MAGI1: variants seen among roughly 807,000 people sequenced by gnomAD.
The protein encoded by MAGI1 is membrane associated guanylate kinase, WW and PDZ domain containing 1.
Under a neutral mutation model 139.9 loss-of-function variants are expected in MAGI1, and 58 were observed. The ratio of observed to expected loss-of-function variants is 0.41; its 90% CI spans 0.34 to 0.52. MAGI1 has a LOEUF of 0.52. MAGI1 is among the 20% of genes least tolerant of loss of function. The pLI, the probability that MAGI1 is intolerant of heterozygous loss-of-function variation, is 0.12. For missense variants in MAGI1, 1,874 were observed against 1,901.6 expected, an observed-to-expected ratio of 0.99 and a Z score of 0.27; for synonymous variants, 812 against 737.9, an observed-to-expected ratio of 1.10 and a Z score of -1.63.
At chr3:65,698,029 T>C (rs2089337049) in intron 1 of MAGI1, among the ~76,000 whole-genome samples, 2 of 91,624 alleles carry the variant, frequency 2.2e-5, no homozygotes, top group African/African-American at 1.1e-4. Flanking sequence ...CAGCAAAGTC[T>C]CAGGATACAA....
chr3:65,793,872 C>T (rs981989435), intron 1 of MAGI1, among the ~76,000 whole-genome samples: 2 of 152,232 alleles, frequency 1.3e-5, no homozygotes, highest in African/African-American at 4.8e-5. Context: ...CAATTTTCTG[C>T]TATTTGATGC....
intron 1 of MAGI1, among the ~76,000 whole-genome samples, chr3:65,692,004 C>T (rs1489592697): frequency 6.6e-6 from 1 of 152,120 alleles, no homozygotes; most frequent in Non-Finnish European, 1.5e-5. Flanking sequence ...TAGCTAATTA[C>T]TCCAAAGTCA....
chr3:66,003,156 G>A lies in MAGI1; in HGVS notation c.313+34840C>T, dbSNP rs531051168. 3.9e-5 allele frequency among the ~76,000 whole-genome samples: 6 copies of A among 152,270 alleles called. No homozygotes were observed. The South Asian group carries it at 1.2e-3, about 32-fold the overall frequency. On this transcript the variant is annotated intron_variant, in intron 1 of 22. Transcript: ENST00000402939. ...TGTGAAGATGAACAGGGCAGTTGGT[G>A]CAAAACTACAAAGCCCTTTCCCCTT...
At position 65,356,541 on chromosome 3, in the gene MAGI1, CGCTCG is replaced by C. The variant is rs778062138; in HGVS notation, c.4221_4225del (p.Glu1408GlnfsTer48). ...TTTGTCCAGGGACCGCTCTCTCCTGCGCTCGGGGGAGCGTGCGCGCCTCCGGTCGG... is the reference window on the plus strand; with the variant it reads ...TTTGTCCAGGGACCGCTCTCTCCTGCGGGGAGCGTGCGCGCCTCCGGTCGG... On this transcript the variant is annotated frameshift_variant, in exon 23 of 23. Transcript: ENST00000402939. LOFTEE classifies it low-confidence loss of function (END_TRUNC). The C allele has an allele frequency of 1.9e-6, 3 of 1,609,778 alleles. No individual in the cohort carries two copies. Among genetic ancestry groups the C allele is most frequent in the Non-Finnish European group, 2.5e-6 (3 of 1,179,768 alleles).
intron 13 of MAGI1, among the ~76,000 whole-genome samples, chr3:65,393,722 G>A (rs779662822): frequency 9.9e-5 from 15 of 152,064 alleles, no homozygotes; most frequent in East Asian, 2.0e-4. Flanking sequence ...TTCCAGGGTC[G>A]GCCTATAAGC....
At chr3:65,642,593 C>G (rs1042208488) in intron 1 of MAGI1, among the ~76,000 whole-genome samples, 1 of 152,186 alleles carries the variant, frequency 6.6e-6, no homozygotes, top group Non-Finnish European at 1.5e-5. Flanking sequence ...TGAAGTCATA[C>G]TGGCATCTCA....
At chr3:65,398,728 A>G (rs746844715) in intron 13 of MAGI1, among the ~76,000 whole-genome samples, 30 of 152,166 alleles carry the variant, frequency 2.0e-4, no homozygotes, top group African/African-American at 2.9e-4. Context: ...AAAACCTGAC[A>G]GAAAATATGT....
intron 12 of MAGI1, among the ~76,000 whole-genome samples, chr3:65,419,240 ACACAC>A (rs1201279048): frequency 6.6e-6 from 1 of 151,946 alleles, no homozygotes; most frequent in Non-Finnish European, 1.5e-5. Context: ...ACACACACAC[ACACAC>A]AAGTGTATGA....
chr3:65,733,506 T>A (rs1174502546), intron 1 of MAGI1, among the ~76,000 whole-genome samples: 4 of 152,254 alleles, frequency 2.6e-5, no homozygotes, highest in Non-Finnish European at 5.9e-5. Flanking sequence ...CAGACATTTC[T>A]GCTCTAAGAT....
At chr3:66,012,765 C>CAAAAAAAAAA (rs34971326) in intron 1 of MAGI1, among the ~76,000 whole-genome samples, 1 of 114,004 alleles carries the variant, frequency 8.8e-6, no homozygotes, top group Non-Finnish European at 1.8e-5. Context: ...GACTCCATCT[C>CAAAAAAAAAA]AAAAAAAAAA....
intron 1 of MAGI1, among the ~76,000 whole-genome samples, chr3:65,769,996 G>A (rs2037819063): frequency 6.6e-6 from 1 of 152,134 alleles, no homozygotes; most frequent in East Asian, 1.9e-4. Flanking sequence ...AATTCACCAT[G>A]AGGAGATTTA....
chr3:65,898,989 T>C (rs571012672), intron 1 of MAGI1, among the ~76,000 whole-genome samples: 19 of 152,332 alleles, frequency 1.2e-4, no homozygotes, highest in African/African-American at 4.3e-4. Context: ...TGGCACAATC[T>C]TGCCTCACTG....
chr3:65,844,975 G>A lies in MAGI1; in HGVS notation c.313+193021C>T, dbSNP rs145091351. Among the ~76,000 whole-genome samples, 1,154 of 152,080 alleles carry A rather than the reference G, an allele frequency of 7.6e-3. 11 individuals carry two copies. Among genetic ancestry groups the A allele is most frequent in the African/African-American group, 0.026 (1,075 of 41,504 alleles). ...CCCATTGAAATCCTTGGGCATAGGC[G>A]GGGCACGGTTGCTCACACTGTAATC... On this transcript the variant is annotated intron_variant, in intron 1 of 22. Coordinates refer to ENST00000402939, the MANE Select transcript of MAGI1 (RefSeq NM_001033057.2).
chr3:65,580,436 C>A (rs971489866), intron 2 of MAGI1, among the ~76,000 whole-genome samples: 6 of 151,918 alleles, frequency 3.9e-5, no homozygotes, highest in Admixed American at 6.6e-5. Flanking sequence ...GTGAGCAAAT[C>A]GATACACAGT....
intron 1 of MAGI1, among the ~76,000 whole-genome samples, chr3:65,796,629 T>C (rs2040167617): frequency 6.6e-6 from 1 of 152,252 alleles, no homozygotes; most frequent in African/African-American, 2.4e-5. Flanking sequence ...AAAGTATTTA[T>C]ATTCATTTAC....
At chr3:65,608,807 A>G (rs2082884403) in intron 2 of MAGI1, among the ~76,000 whole-genome samples, 1 of 152,210 alleles carries the variant, frequency 6.6e-6, no homozygotes, top group African/African-American at 2.4e-5. Context: ...TGTCCATTGT[A>G]TAAGAATGCT....
At chr3:65,901,306 A>G (rs1179034137) in intron 1 of MAGI1, among the ~76,000 whole-genome samples, 3 of 152,206 alleles carry the variant, frequency 2.0e-5, no homozygotes, top group Non-Finnish European at 4.4e-5. Flanking sequence ...CAGACCAGAG[A>G]CTGGGAGCTC....
intron 1 of MAGI1, among the ~76,000 whole-genome samples, chr3:65,707,381 C>T (rs1483882740): frequency 6.6e-6 from 1 of 152,312 alleles, no homozygotes; most frequent in South Asian, 2.1e-4. Flanking sequence ...GACGTGCAGC[C>T]TCGCCTCCCC....
At chr3:66,003,832 G>A (rs1341778957) in intron 1 of MAGI1, 4 of 151,956 alleles carry the variant, frequency 2.6e-5, no homozygotes, top group African/African-American at 7.3e-5. Context: ...TTTTTTGTTT[G>A]TTTGGTTTTT....
Sources: gnomAD v4.1 joint callset for allele counts (sites outside exome capture counted in the v4.1 genomes callset) on GRCh38, gnomAD v4.1.1 for gene constraint, MANE v1.5 for transcripts, NCBI Gene and HGNC (gene_info 2026-07-23, HGNC 2026-07-21) for gene names.